Variants in ANKRD33B observed in about 807,000 individuals in gnomAD.
ANKRD33B encodes ankyrin repeat domain 33B.
Under a neutral mutation model 21.5 loss-of-function variants are expected in ANKRD33B, and 6 were observed. The observed-to-expected ratio is 0.28, with a 90% CI of 0.15 to 0.55. The LOEUF is 0.55. Ranked by LOEUF, ANKRD33B falls within the 20% of genes least tolerant of loss-of-function variation. ANKRD33B has a pLI of 0.94. For synonymous variants in ANKRD33B, 347 were observed against 342.4 expected (o/e 1.01, Z -0.15); for missense variants, 698 against 747.2 (o/e 0.93, Z 0.77).
chr5:10,622,821 T>C (rs1316710598), intron 2 of ANKRD33B, among the ~76,000 whole-genome samples: 1 of 143,868 alleles, frequency 7.0e-6, no homozygotes, highest in Non-Finnish European at 1.5e-5. Context: ...TTTTTTTTTT[T>C]CTGGCTTGCT....
intron 1 of ANKRD33B, among the ~76,000 whole-genome samples, chr5:10,613,875 G>A (rs1736225946): frequency 6.6e-6 from 1 of 150,916 alleles, no homozygotes. Context: ...CCTCCAGCCT[G>A]GTGACAGAGA....
chr5:10,582,194 C>T (rs1291766649), intron 1 of ANKRD33B, among the ~76,000 whole-genome samples: 1 of 152,172 alleles, frequency 6.6e-6, no homozygotes, highest in Non-Finnish European at 1.5e-5. Flanking sequence ...TTAAAAGGGC[C>T]CTATGTCTGA....
chr5:10,580,601 C>G (rs1400308377), intron 1 of ANKRD33B, among the ~76,000 whole-genome samples: 2 of 152,150 alleles, frequency 1.3e-5, no homozygotes, highest in Non-Finnish European at 1.5e-5. Flanking sequence ...TCTGTTCTCT[C>G]TCACTCTTTT....
At chr5:10,603,615 T>A (rs968103288) in intron 1 of ANKRD33B, among the ~76,000 whole-genome samples, 2 of 152,200 alleles carry the variant, frequency 1.3e-5, no homozygotes, top group Non-Finnish European at 2.9e-5. Context: ...TAGATGTTCA[T>A]TGTAGGGAAA....
chr5:10,632,395 C>T (rs538016106), intron 2 of ANKRD33B, among the ~76,000 whole-genome samples: 176 of 152,246 alleles, frequency 1.2e-3, no homozygotes, highest in African/African-American at 3.8e-3. Context: ...AGAAGCCGGT[C>T]GGGCCCGGGT....
chr5:10,633,097 C>CT (rs1031950496), intron 2 of ANKRD33B, among the ~76,000 whole-genome samples: 591 of 119,422 alleles, frequency 4.9e-3, no homozygotes, highest in Non-Finnish European at 6.6e-3. Context: ...CAGTTCTCCT[C>CT]TTTTTTTTTT....
At chr5:10,577,103 C>CCCCTTT (rs1205620833) in intron 1 of ANKRD33B, among the ~76,000 whole-genome samples, 2 of 148,676 alleles carry the variant, frequency 1.3e-5, no homozygotes, top group Non-Finnish European at 3.0e-5. Context: ...CCTTCCCCTT[C>CCCCTTT]CCCTTTCCCT....
rs77040548 is a variant in ANKRD33B at position 10,596,350 on chromosome 5, A to T, written c.367-21983A>T. 6.1e-3 allele frequency among the ~76,000 whole-genome samples: 923 copies of T among 152,258 alleles called. 7 individuals carry two copies. Among genetic ancestry groups the T allele is most frequent in the African/African-American group, 0.021 (876 of 41,536 alleles). On this transcript the variant is annotated intron_variant, in intron 1 of 3. Coordinates refer to ENST00000296657, the MANE Select transcript of ANKRD33B (RefSeq NM_001164440.2). ...CACCCCCTGATAAGCCCCTGTGTGC[A>T]TTGATCCCCAACTGTGTGTCCATGT... is the stretch of plus-strand genomic sequence containing the variant.
chr5:10,581,799 G>C (rs1031723747), intron 1 of ANKRD33B, among the ~76,000 whole-genome samples: 1 of 152,204 alleles, frequency 6.6e-6, no homozygotes, highest in East Asian at 1.9e-4. Context: ...CTGCCTCAAA[G>C]CTGCAGCCTC....
intron 2 of ANKRD33B, among the ~76,000 whole-genome samples, chr5:10,622,801 TTA>T (rs779982452): frequency 1.2e-4 from 18 of 147,166 alleles, no homozygotes; most frequent in South Asian, 2.2e-4. Flanking sequence ...TTGCTTTATT[TTA>T]TTTTATTTTT....
chr5:10,624,270 T>G (rs1736491934), intron 2 of ANKRD33B, among the ~76,000 whole-genome samples: 1 of 151,828 alleles, frequency 6.6e-6, no homozygotes, highest in African/African-American at 2.4e-5. Context: ...GCTGAGATTA[T>G]AGGCGCCAGT....
chr5:10,645,114 T>C (rs61345804), intron 3 of ANKRD33B, among the ~76,000 whole-genome samples: 63,806 of 152,076 alleles, frequency 0.42, 13,657 homozygotes, highest in Middle Eastern at 0.55. Context: ...TCCTCCCTGC[T>C]GGGCTGGAGC....
At chr5:10,649,141 C>A in intron 3 of ANKRD33B, 125 bp from the exon 4 acceptor site, 1 of 1,430,014 alleles carries the variant, frequency 7.0e-7, no homozygotes, top group Non-Finnish European at 9.1e-7. Flanking sequence ...TAGGTGCAGT[C>A]TGTTAGGAGG....
intron 1 of ANKRD33B, among the ~76,000 whole-genome samples, chr5:10,593,138 TTATC>T (rs963690467): frequency 2.0e-5 from 3 of 152,158 alleles, no homozygotes; most frequent in African/African-American, 7.2e-5. Context: ...TATTTCAACT[TTATC>T]TATAGTTTGA....
chr5:10,585,988 G>T (rs1362619084), intron 1 of ANKRD33B, among the ~76,000 whole-genome samples: 1 of 152,178 alleles, frequency 6.6e-6, no homozygotes, highest in Admixed American at 6.5e-5. Context: ...AAGCCACGGG[G>T]CTCTATCATC....
At chr5:10,568,914 G>C (rs1463556586) in intron 1 of ANKRD33B, among the ~76,000 whole-genome samples, 1 of 152,158 alleles carries the variant, frequency 6.6e-6, no homozygotes, top group African/African-American at 2.4e-5. Context: ...TGTTAGGTCA[G>C]CAAAGCCCAC....
chr5:10,656,148 C>T lies in ANKRD33B; in HGVS notation c.*6035C>T, dbSNP rs1291138375. ...CTCGAGTCAGCTGCTTATTTCTGTG[C>T]CCTTGCACTCACAGGTTCCTTCATT... On this transcript the variant is annotated 3_prime_UTR_variant, in exon 4 of 4. Transcript: ENST00000296657. 1 of 152,262 alleles carries T rather than the reference C, an allele frequency of 6.6e-6. No homozygotes were observed. Among genetic ancestry groups the T allele is most frequent in the Non-Finnish European group, 1.5e-5 (1 of 68,020 alleles). The allele number at this position is 152,262 out of a possible 1,614,324, so 9.4% of individuals were successfully genotyped here. A position where few individuals can be genotyped will look rare whatever the true frequency, so the allele number is the denominator to read the frequency against.
chr5:10,618,574 C>T (rs1736342865), intron 2 of ANKRD33B, 112 bp downstream of exon 2: 1 of 1,383,320 alleles, frequency 7.2e-7, no homozygotes, highest in Non-Finnish European at 9.5e-7. Context: ...GAGACCATGT[C>T]CTGCTACCAA....
chr5:10,630,059 C>T (rs1026021952), intron 2 of ANKRD33B, among the ~76,000 whole-genome samples: 2 of 152,014 alleles, frequency 1.3e-5, no homozygotes, highest in Admixed American at 6.5e-5. Context: ...AACATGAAGA[C>T]GGCCCACAGG....
Sources: gnomAD v4.1 joint callset for allele counts (sites outside exome capture counted in the v4.1 genomes callset) on GRCh38, gnomAD v4.1.1 for gene constraint, MANE v1.5 for transcripts, NCBI Gene and HGNC (gene_info 2026-07-23, HGNC 2026-07-21) for gene names.